Variants in SLC45A2 observed in about 807,000 individuals in gnomAD.
SLC45A2 encodes the protein solute carrier family 45 member 2, also known as membrane-associated transporter protein.
In SLC45A2, 36 loss-of-function variants were observed where a neutral mutation model predicts 45.5. The observed-to-expected ratio is 0.79, with a 90% CI of 0.61 to 1.04. The LOEUF is 1.04. Among genes scored for constraint, SLC45A2 ranks in the 50% least tolerant of loss-of-function variants. The probability of loss-of-function intolerance (pLI) is 0.00; values close to 1 mark genes in which losing one functional copy is unlikely to be tolerated. For missense variants in SLC45A2, 719 were observed against 671.0 expected (o/e 1.07, Z -0.79); for synonymous variants, 306 against 269.3 (o/e 1.14, Z -1.33).
At chr5:33,971,430 AC>A (rs1752773678) in intron 2 of SLC45A2, 1 of 438,774 alleles carries the variant, frequency 2.3e-6, no homozygotes, top group South Asian at 1.8e-5. Flanking sequence ...CTGGACTGCA[AC>A]TTTTTTCCTT....
At chr5:33,967,768 T>G (rs898083375) in intron 2 of SLC45A2, among the ~76,000 whole-genome samples, 1 of 148,528 alleles carries the variant, frequency 6.7e-6, no homozygotes, top group Admixed American at 6.8e-5. Context: ...TAGTCTAGCA[T>G]TTTTTATTTT....
At chr5:33,961,067 G>A (rs923099661) in intron 3 of SLC45A2, among the ~76,000 whole-genome samples, 5 of 152,152 alleles carry the variant, frequency 3.3e-5, no homozygotes, top group African/African-American at 1.2e-4. Context: ...GTCTTCTGAT[G>A]CTCAGCACTG....
At chr5:33,973,943 A>G (rs1344167075) in intron 2 of SLC45A2, among the ~76,000 whole-genome samples, 1 of 145,700 alleles carries the variant, frequency 6.9e-6, no homozygotes, top group African/African-American at 2.5e-5. Flanking sequence ...TGCTGAGGCT[A>G]CTCTGCAGTG....
intron 5 of SLC45A2, among the ~76,000 whole-genome samples, 188 bp from the exon 6 acceptor site, chr5:33,947,562 A>T (rs1377481570): frequency 6.6e-6 from 1 of 152,332 alleles, no homozygotes; most frequent in South Asian, 2.1e-4. Flanking sequence ...AGACCTTTCC[A>T]TAAAGGACAG....
intron 2 of SLC45A2, among the ~76,000 whole-genome samples, chr5:33,969,293 T>C (rs1011314820): frequency 5.9e-5 from 9 of 151,424 alleles, no homozygotes; most frequent in Admixed American, 3.3e-4. Context: ...AAATTTTAAA[T>C]TAAAATAAAA....
intron 3 of SLC45A2, among the ~76,000 whole-genome samples, chr5:33,963,348 AT>A (rs1197583549): frequency 6.6e-6 from 1 of 152,196 alleles, no homozygotes; most frequent in African/African-American, 2.4e-5. Flanking sequence ...GGAGGAAAAA[AT>A]TTCTAATTTA....
chr5:33,968,510 T>G (rs1752674835), intron 2 of SLC45A2, among the ~76,000 whole-genome samples: 2 of 152,312 alleles, frequency 1.3e-5, no homozygotes, highest in South Asian at 4.1e-4. Context: ...AGCCAGGCTG[T>G]GTTGTCAAAC....
intron 4 of SLC45A2, among the ~76,000 whole-genome samples, chr5:33,952,646 C>G (rs1356671816): frequency 6.7e-6 from 1 of 148,394 alleles, no homozygotes; most frequent in African/African-American, 2.5e-5. Context: ...CAGGCCGGAG[C>G]TAACAAGTTA....
intron 2 of SLC45A2, among the ~76,000 whole-genome samples, chr5:33,977,171 C>T (rs1752954312): frequency 6.6e-6 from 1 of 152,204 alleles, no homozygotes; most frequent in African/African-American, 2.4e-5. Flanking sequence ...CGGCTGTCTG[C>T]CAGCCAGGAA....
intron 2 of SLC45A2, among the ~76,000 whole-genome samples, chr5:33,979,239 G>A (rs918451854): frequency 6.6e-6 from 1 of 152,186 alleles, no homozygotes; most frequent in Non-Finnish European, 1.5e-5. Context: ...TGGAAAGGCA[G>A]GACAAATCAA....
At chr5:33,948,458 G>GTATTAAGAA (rs1366820456) in intron 5 of SLC45A2, among the ~76,000 whole-genome samples, 1 of 152,134 alleles carries the variant, frequency 6.6e-6, no homozygotes, top group Non-Finnish European at 1.5e-5. Flanking sequence ...TACTTGAAAC[G>GTATTAAGAA]TGACTATTAA....
At position 33,967,783 on chromosome 5, in the gene SLC45A2, GACACACAC is replaced by G. The variant is rs10529094; in HGVS notation, c.563-3775_563-3768del. ...TAGTCTAGCATTTTTTATTTTGCTA[GACACACAC>G]ACACACACACACACACACACACACA... On this transcript the variant is annotated intron_variant, in intron 2 of 6. Coordinates refer to ENST00000296589, the MANE Select transcript of SLC45A2 (RefSeq NM_016180.5). Among the ~76,000 whole-genome samples, 782 of 146,994 alleles carry G rather than the reference GACACACAC, an allele frequency of 5.3e-3. 9 individuals are homozygous for G. Among genetic ancestry groups the G allele is most frequent in the African/African-American group, 0.017 (666 of 39,324 alleles).
chr5:33,958,964 A>G (rs576519411), intron 3 of SLC45A2, among the ~76,000 whole-genome samples: 11 of 152,326 alleles, frequency 7.2e-5, no homozygotes, highest in African/African-American at 2.2e-4. Flanking sequence ...GTTATCTATT[A>G]TCACGTATAT....
At chr5:33,978,729 C>T (rs868139193) in intron 2 of SLC45A2, among the ~76,000 whole-genome samples, 2 of 152,152 alleles carry the variant, frequency 1.3e-5, no homozygotes, top group Non-Finnish European at 2.9e-5. Context: ...ATATCTTTGC[C>T]TGTAACTTCT....
chr5:33,966,759 A>G (rs1465757670), intron 2 of SLC45A2, among the ~76,000 whole-genome samples: 1 of 152,212 alleles, frequency 6.6e-6, no homozygotes, highest in Non-Finnish European at 1.5e-5. Flanking sequence ...ATTAGCAATG[A>G]AAGTTATAAG....
At chr5:33,960,093 G>T (rs1417418650) in intron 3 of SLC45A2, among the ~76,000 whole-genome samples, 1 of 152,034 alleles carries the variant, frequency 6.6e-6, no homozygotes, top group Non-Finnish European at 1.5e-5. Flanking sequence ...ATCAGAAAAA[G>T]GATATTACCC....
rs1410448244 is a variant in SLC45A2 at position 33,954,376 on chromosome 5, T to C, written c.1017A>G (p.Thr339=). The C allele has an allele frequency of 6.2e-7, 1 of 1,614,066 alleles. No homozygotes were observed. Among genetic ancestry groups the C allele is most frequent in the South Asian group, 1.1e-5 (1 of 91,082 alleles). ...CGTTCATTACCTGGCCCATGAAATCTGTGAAGAACAGCATGTTGGACAGGA... is the reference window on the plus strand; with the variant it reads ...CGTTCATTACCTGGCCCATGAAATCCGTGAAGAACAGCATGTTGGACAGGA... ...TAFLSNMLFF[T]DFMGQIVYRG... Residue 339 remains threonine, a synonymous_variant, in exon 4 of 7, where the codon ACA becomes ACG. Coordinates refer to ENST00000296589, the MANE Select transcript of SLC45A2 (RefSeq NM_016180.5).
chr5:33,962,933 C>T (rs1752491419), intron 3 of SLC45A2, among the ~76,000 whole-genome samples: 1 of 152,172 alleles, frequency 6.6e-6, no homozygotes, highest in Non-Finnish European at 1.5e-5. Context: ...AAGGAAAATG[C>T]AATTATTTCA....
At chr5:33,951,439 A>G (rs1579535872) in intron 5 of SLC45A2, 115 bp downstream of exon 5, 1 of 1,600,396 alleles carries the variant, frequency 6.2e-7, no homozygotes, top group Non-Finnish European at 8.5e-7. Flanking sequence ...ACGTCCATAG[A>G]TTTATTAAGA....
Sources: allele counts gnomAD v4.1 joint callset (sites outside exome capture counted in the v4.1 genomes callset), GRCh38; gene constraint gnomAD v4.1.1; transcripts MANE v1.5; gene names NCBI Gene and HGNC (gene_info 2026-07-23, HGNC 2026-07-21).